Variants in MYO3B observed in about 807,000 individuals in gnomAD.
MYO3B encodes the protein myosin IIIB, also known as myosin-IIIb.
A neutral mutation model predicts 174.6 loss-of-function variants in MYO3B; 156 were observed. The observed-to-expected ratio is 0.89, with a 90% confidence interval of 0.78 to 1.02. The LOEUF is 1.02. Among genes scored for constraint, MYO3B ranks in the 50% least tolerant of loss-of-function variants. The pLI, the probability that MYO3B is intolerant of heterozygous loss-of-function variation, is 0.00. For synonymous variants in MYO3B, 563 were observed against 569.1 expected (o/e 0.99, Z 0.15); for missense variants, 1,632 against 1,639.4 (o/e 1.00, Z 0.08).
intron 3 of MYO3B, among the ~76,000 whole-genome samples, 177 bp downstream of exon 3, chr2:170,200,461 T>C (rs756786033): frequency 1.4e-4 from 21 of 152,226 alleles, no homozygotes; most frequent in Non-Finnish European, 2.8e-4. Flanking sequence ...GTAGGCCTTA[T>C]GCTAAAAATA....
chr2:170,257,120 A>G (rs955571391), intron 7 of MYO3B, among the ~76,000 whole-genome samples: 2 of 152,196 alleles, frequency 1.3e-5, no homozygotes, highest in East Asian at 1.9e-4. Flanking sequence ...TTCTAAATGT[A>G]TGAAAAGACT....
At chr2:170,379,194 AT>A (rs11332233) in intron 9 of MYO3B, among the ~76,000 whole-genome samples, 14,294 of 76,982 alleles carry the variant, frequency 0.19, 675 homozygotes, top group African/African-American at 0.3. Flanking sequence ...ATGTGGTACA[AT>A]TTTTTTTTTT....
intron 7 of MYO3B, among the ~76,000 whole-genome samples, chr2:170,239,107 T>A (rs2093103570): frequency 6.6e-6 from 1 of 152,222 alleles, no homozygotes; most frequent in Non-Finnish European, 1.5e-5. Flanking sequence ...TGTCTGCTGC[T>A]ATTTTTCCCC....
chr2:170,585,108 C>A (rs943320098), intron 32 of MYO3B, among the ~76,000 whole-genome samples: 3 of 152,172 alleles, frequency 2.0e-5, no homozygotes, highest in Non-Finnish European at 4.4e-5. Context: ...GGGGTGTGGC[C>A]TGGCCATTGG....
intron 7 of MYO3B, among the ~76,000 whole-genome samples, chr2:170,258,689 G>A (rs2093323284): frequency 6.6e-6 from 1 of 152,098 alleles, no homozygotes; most frequent in Non-Finnish European, 1.5e-5. Context: ...ATATGTCATA[G>A]TATTGGAAGT....
At chr2:170,645,663 G>A (rs1339871039) in intron 32 of MYO3B, among the ~76,000 whole-genome samples, 2 of 151,978 alleles carry the variant, frequency 1.3e-5, no homozygotes, top group African/African-American at 4.8e-5. Context: ...GCCTTTTCTG[G>A]TTATACTTTC....
chr2:170,378,638 T>A (rs1479561809), intron 9 of MYO3B, among the ~76,000 whole-genome samples: 1 of 152,246 alleles, frequency 6.6e-6, no homozygotes, highest in Non-Finnish European at 1.5e-5. Context: ...GCACACAATC[T>A]CCTTCAGGCT....
chr2:170,554,005 C>T (rs1264216176), intron 32 of MYO3B, among the ~76,000 whole-genome samples: 1 of 152,116 alleles, frequency 6.6e-6, no homozygotes, highest in African/African-American at 2.4e-5. Flanking sequence ...CCAATCATGC[C>T]TCCTGTACAG....
intron 6 of MYO3B, among the ~76,000 whole-genome samples, chr2:170,220,369 G>A (rs1157930617): frequency 1.3e-5 from 2 of 150,586 alleles, no homozygotes; most frequent in South Asian, 2.1e-4. Flanking sequence ...GGTGGCTCAC[G>A]CCTGTAATCC....
intron 16 of MYO3B, among the ~76,000 whole-genome samples, chr2:170,399,172 G>A (rs1206078182): frequency 6.7e-6 from 1 of 148,374 alleles, no homozygotes; most frequent in African/African-American, 2.5e-5. Flanking sequence ...AACCTGGGAG[G>A]CAGAGGTTGC....
At chr2:170,501,642 C>T (rs746126368) in intron 27 of MYO3B, 143 bp from the exon 28 acceptor site, 33 of 599,134 alleles carry the variant, frequency 5.5e-5, no homozygotes, top group Non-Finnish European at 8.4e-5. Context: ...CCATAGATCA[C>T]ATACCTCTGC....
chr2:170,614,952 G>A (rs1861291), intron 32 of MYO3B, among the ~76,000 whole-genome samples: 1 of 151,960 alleles, frequency 6.6e-6, no homozygotes, highest in African/African-American at 2.4e-5. Flanking sequence ...CACTAATCTA[G>A]CTTTTGCCTC....
intron 7 of MYO3B, among the ~76,000 whole-genome samples, chr2:170,327,530 C>T (rs1413609079): frequency 7.3e-6 from 1 of 137,882 alleles, no homozygotes; most frequent in Non-Finnish European, 1.6e-5. Context: ...CAGTGGTAAT[C>T]TAAGGCTGAG....
chr2:170,348,845 G>A (rs1272037223), intron 8 of MYO3B, among the ~76,000 whole-genome samples: 2 of 152,184 alleles, frequency 1.3e-5, no homozygotes, highest in Non-Finnish European at 1.5e-5. Flanking sequence ...CTAATTTGGG[G>A]TAGTAGTTTT....
At chr2:170,482,020 A>G (rs1310415902) in intron 25 of MYO3B, among the ~76,000 whole-genome samples, 1 of 152,064 alleles carries the variant, frequency 6.6e-6, no homozygotes, top group African/African-American at 2.4e-5. Context: ...TTGAATTCCC[A>G]TGTGTTGTGG....
At chr2:170,514,088 G>GA (rs569556428) in intron 28 of MYO3B, among the ~76,000 whole-genome samples, 99 of 152,266 alleles carry the variant, frequency 6.5e-4, no homozygotes, top group African/African-American at 2.2e-3. Context: ...GGCAGGACCA[G>GA]AAAAAATCTC....
intron 32 of MYO3B, among the ~76,000 whole-genome samples, chr2:170,585,504 G>T (rs1693446729): frequency 6.6e-6 from 1 of 152,124 alleles, no homozygotes; most frequent in Admixed American, 6.5e-5. Flanking sequence ...AGCTCTTGCA[G>T]AACCATCCTC....
At position 170,418,759 on chromosome 2, in the gene MYO3B, A is replaced by G. The variant is rs1189226406; in HGVS notation, c.2650+10915A>G. 3.3e-5 allele frequency among the ~76,000 whole-genome samples: 5 copies of G among 152,082 alleles called. No individual in the cohort carries two copies. The East Asian group carries it at 9.6e-4, about 29-fold the overall frequency. On this transcript the variant is annotated intron_variant, in intron 22 of 34. Coordinates refer to ENST00000408978, the MANE Select transcript of MYO3B (RefSeq NM_138995.5). ...TGCTTTTCCTCCCCCAAACTGGGGGAAGGAGGCAGTTCTCAAAAGAATCAC... is the reference window on the plus strand; with the variant it reads ...TGCTTTTCCTCCCCCAAACTGGGGGGAGGAGGCAGTTCTCAAAAGAATCAC...
chr2:170,179,771 G>A (rs2092374500), intron 1 of MYO3B, among the ~76,000 whole-genome samples: 1 of 152,112 alleles, frequency 6.6e-6, no homozygotes. Flanking sequence ...GCAGAAAATG[G>A]ACTAACACAA....
Sources: allele counts gnomAD v4.1 joint callset (sites outside exome capture counted in the v4.1 genomes callset), GRCh38; gene constraint gnomAD v4.1.1; transcripts MANE v1.5; gene names NCBI Gene and HGNC (gene_info 2026-07-23, HGNC 2026-07-21).